MCTP1: variants seen among roughly 807,000 people sequenced by gnomAD.
The protein encoded by MCTP1 is multiple C2 and transmembrane domain-containing protein 1.
MCTP1 carries 69 observed loss-of-function variants against 120.6 expected under a neutral mutation model. The observed-to-expected ratio is 0.57, with a 90% CI of 0.47 to 0.70. The LOEUF is 0.70. MCTP1 is among the 30% of genes least tolerant of loss of function. The pLI, the probability that MCTP1 is intolerant of heterozygous loss-of-function variation, is 0.00. For missense variants in MCTP1, 1,203 were observed against 1,248.8 expected, an observed-to-expected ratio of 0.96 and a Z score of 0.55; for synonymous variants, 529 against 493.1, an observed-to-expected ratio of 1.07 and a Z score of -0.96.
intron 1 of MCTP1, among the ~76,000 whole-genome samples, chr5:95,173,785 A>G (rs1747634626): frequency 6.6e-6 from 1 of 152,080 alleles, no homozygotes; most frequent in Admixed American, 6.6e-5. Context: ...ACAACCACAA[A>G]GCAATCTGGA....
intron 1 of MCTP1, among the ~76,000 whole-genome samples, chr5:95,282,451 T>A (rs956358225): frequency 6.6e-6 from 1 of 152,172 alleles, no homozygotes; most frequent in African/African-American, 2.4e-5. Flanking sequence ...AACTCTGAAA[T>A]TCTTCTACAT....
intron 1 of MCTP1, among the ~76,000 whole-genome samples, chr5:95,141,278 G>T (rs1041070819): frequency 6.6e-6 from 1 of 152,188 alleles, no homozygotes; most frequent in African/African-American, 2.4e-5. Context: ...ACATTTAAAA[G>T]AATTTGATGA....
intron 17 of MCTP1, among the ~76,000 whole-genome samples, chr5:94,821,767 G>T (rs1371864784): frequency 6.6e-6 from 1 of 151,998 alleles, no homozygotes; most frequent in African/African-American, 2.4e-5. Context: ...AGGAAACCAG[G>T]TACATAAAAA....
intron 19 of MCTP1, among the ~76,000 whole-genome samples, chr5:94,721,857 TAATGCATTA>T (rs1760982749): frequency 7.0e-6 from 1 of 143,014 alleles, no homozygotes; most frequent in African/African-American, 2.6e-5. Context: ...TTTTTTTTTT[TAATGCATTA>T]TTAAGGTTTC....
intron 19 of MCTP1, among the ~76,000 whole-genome samples, chr5:94,770,695 G>A (rs532411154): frequency 2.6e-5 from 4 of 152,140 alleles, no homozygotes; most frequent in South Asian, 2.1e-4. Flanking sequence ...ACCACCAGCC[G>A]GAATCACTAG....
At chr5:94,992,200 G>T (rs1181195036) in intron 2 of MCTP1, among the ~76,000 whole-genome samples, 1 of 152,062 alleles carries the variant, frequency 6.6e-6, no homozygotes, top group African/African-American at 2.4e-5. Flanking sequence ...TAATGGAAAA[G>T]AAAACAAATC....
At chr5:95,095,993 G>A (rs1895864) in intron 1 of MCTP1, among the ~76,000 whole-genome samples, 1 of 151,796 alleles carries the variant, frequency 6.6e-6, no homozygotes, top group African/African-American at 2.4e-5. Context: ...AGGGAGATGG[G>A]AGTTCCACAC....
intron 1 of MCTP1, among the ~76,000 whole-genome samples, chr5:95,207,929 G>A (rs1323686046): frequency 1.2e-4 from 5 of 41,070 alleles, no homozygotes; most frequent in East Asian, 6.8e-4. Context: ...ATGAGCGGGC[G>A]AGAGAGAGAG....
chr5:94,778,620 C>A (rs189368452), intron 19 of MCTP1, among the ~76,000 whole-genome samples: 1 of 152,122 alleles, frequency 6.6e-6, no homozygotes, highest in Non-Finnish European at 1.5e-5. Flanking sequence ...TCGGCAAGGG[C>A]GGTGAGCACT....
At chr5:95,229,128 C>T (rs1754629836) in intron 1 of MCTP1, among the ~76,000 whole-genome samples, 1 of 152,098 alleles carries the variant, frequency 6.6e-6, no homozygotes, top group African/African-American at 2.4e-5. Flanking sequence ...TGACCGAAGC[C>T]AGAACAAGCA....
chr5:95,007,333 C>G (rs970527415), intron 2 of MCTP1, among the ~76,000 whole-genome samples: 1 of 152,102 alleles, frequency 6.6e-6, no homozygotes, highest in Admixed American at 6.6e-5. Context: ...AGAAAATTCC[C>G]AAGGATTGAA....
At chr5:94,920,766 TAA>T (rs768317223) in intron 7 of MCTP1, among the ~76,000 whole-genome samples, 61 of 149,830 alleles carry the variant, frequency 4.1e-4, no homozygotes, top group African/African-American at 1.3e-3. Flanking sequence ...AATAAATAAA[TAA>T]ATAAATAAAT....
At chr5:95,025,727 T>C (rs1454967616) in intron 1 of MCTP1, among the ~76,000 whole-genome samples, 1 of 152,176 alleles carries the variant, frequency 6.6e-6, no homozygotes, top group Non-Finnish European at 1.5e-5. Flanking sequence ...TCATTTTAGA[T>C]AGACTAGTGG....
At chr5:95,001,881 G>A (rs757945107) in intron 2 of MCTP1, among the ~76,000 whole-genome samples, 1 of 152,184 alleles carries the variant, frequency 6.6e-6, no homozygotes, top group African/African-American at 2.4e-5. Context: ...TGTCGACAGG[G>A]CATGTCAAAA....
intron 3 of MCTP1, among the ~76,000 whole-genome samples, chr5:94,947,611 G>GAA (rs1819430722): frequency 8.4e-6 from 1 of 118,752 alleles, no homozygotes; most frequent in Non-Finnish European, 1.8e-5. Context: ...GAGAGAGAGA[G>GAA]AGAGAGAGAG....
At chr5:94,779,023 C>CA (rs1159671070) in intron 19 of MCTP1, 87 bp downstream of exon 19, 8 of 1,229,546 alleles carry the variant, frequency 6.5e-6, no homozygotes, top group Non-Finnish European at 8.4e-6. Context: ...TCAAACACTT[C>CA]AACTCCTTTT....
intron 1 of MCTP1, among the ~76,000 whole-genome samples, chr5:95,151,382 T>A (rs75822421): frequency 2.6e-5 from 4 of 152,044 alleles, no homozygotes; most frequent in Non-Finnish European, 5.9e-5. Context: ...ATCATCTTCA[T>A]GTTGAGTAGG....
rs1812333509 is a variant in MCTP1 at position 94,923,888 on chromosome 5, T to C, written c.1272+74A>G. 5.9e-6 allele frequency: 5 copies of C among 848,992 alleles called. No individual in the cohort carries two copies. The Admixed American group carries it at 1.4e-4, about 24-fold the overall frequency. 52.6% of individuals were successfully genotyped at this position (848,992 alleles called of 1,614,324 possible). On this transcript the variant is annotated intron_variant, in intron 7 of 22. Transcript: ENST00000515393. Reference sequence around the variant, plus strand: ...CTATCTTAAAAAATGAAACTCTTAGTTGCCATGTAACTTTCAAAATTGCTA... The same window carrying C: ...CTATCTTAAAAAATGAAACTCTTAGCTGCCATGTAACTTTCAAAATTGCTA...
intron 1 of MCTP1, among the ~76,000 whole-genome samples, chr5:95,206,500 T>C (rs906588644): frequency 1.3e-5 from 2 of 152,214 alleles, no homozygotes; most frequent in Non-Finnish European, 2.9e-5. Flanking sequence ...AATCATGACA[T>C]TTTAGAGACA....
Sources: allele counts gnomAD v4.1 joint callset (sites outside exome capture counted in the v4.1 genomes callset), GRCh38; gene constraint gnomAD v4.1.1; transcripts MANE v1.5; gene names NCBI Gene and HGNC (gene_info 2026-07-23, HGNC 2026-07-21).